SFMBT1: variants seen among roughly 807,000 people sequenced by gnomAD.
SFMBT1 encodes scm-like with four MBT domains protein 1.
Under a neutral mutation model 108.7 loss-of-function variants are expected in SFMBT1, and 32 were observed. That is an observed-to-expected ratio of 0.29 (90% CI 0.22 to 0.40). The LOEUF is 0.40. SFMBT1 is among the 10% of genes least tolerant of loss of function. The pLI, the probability that SFMBT1 is intolerant of heterozygous loss-of-function variation, is 1.00. For synonymous variants in SFMBT1, 348 were observed against 369.5 expected, an observed-to-expected ratio of 0.94 and a Z score of 0.67; for missense variants, 816 against 1,059.6, an observed-to-expected ratio of 0.77 and a Z score of 3.19.
Position 52,905,076 on chromosome 3 carries a change from C to T in SFMBT1, c.*60G>A, listed in dbSNP as rs1443330100. On this transcript the variant is annotated 3_prime_UTR_variant, in exon 21 of 21. Coordinates refer to ENST00000394752, the MANE Select transcript of SFMBT1 (RefSeq NM_016329.4). ...GACTATTCCAGCTCCACTTATAAAG[C>T]AGGGTGAAGGATTTGCTGCATTTGT... 19 of 1,589,220 alleles carry T rather than the reference C, an allele frequency of 1.2e-5. No homozygotes were observed. Among genetic ancestry groups the T allele is most frequent in the Non-Finnish European group, 1.6e-5 (19 of 1,167,356 alleles).
chr3:53,036,253 G>C (rs557831551), intron 1 of SFMBT1, among the ~76,000 whole-genome samples: 1 of 152,310 alleles, frequency 6.6e-6, no homozygotes, highest in East Asian at 1.9e-4. Context: ...CAGCTATCCT[G>C]CCGTGGGACA....
At position 52,926,160 on chromosome 3, in the gene SFMBT1, C is replaced by T. The variant is rs185139787; in HGVS notation, c.1049-47G>A. 19 of 1,547,564 alleles carry T rather than the reference C, an allele frequency of 1.2e-5. 1 individual carries two copies. Among genetic ancestry groups the T allele is most frequent in the South Asian group, 7.0e-5 (6 of 85,624 alleles). On this transcript the variant is annotated intron_variant, in intron 9 of 20. Transcript: ENST00000394752. Reference sequence around the variant, plus strand: ...ATGAGTCACACTACCACACCACATACGCCTGCCTGGCTTCACCCCTCACCA... The same window carrying T: ...ATGAGTCACACTACCACACCACATATGCCTGCCTGGCTTCACCCCTCACCA...
intron 1 of SFMBT1, among the ~76,000 whole-genome samples, chr3:53,000,284 C>T (rs1455099550): frequency 6.9e-6 from 1 of 145,504 alleles, no homozygotes; most frequent in Admixed American, 7.0e-5. Flanking sequence ...TTTGCAATGC[C>T]TTCCTCTTTG....
At chr3:52,964,523 G>T (rs997355462) in intron 2 of SFMBT1, among the ~76,000 whole-genome samples, 1 of 152,124 alleles carries the variant, frequency 6.6e-6, no homozygotes, top group Non-Finnish European at 1.5e-5. Context: ...CTAAAAAATA[G>T]AAAATAATTT....
intron 19 of SFMBT1, among the ~76,000 whole-genome samples, 185 bp from the exon 20 acceptor site, chr3:52,906,426 A>T (rs924891058): frequency 4.6e-5 from 7 of 152,230 alleles, no homozygotes; most frequent in Non-Finnish European, 1.0e-4. Context: ...TGTCTTTTAT[A>T]ATACGAAGTA....
chr3:53,006,896 C>T (rs1163445187), intron 1 of SFMBT1, among the ~76,000 whole-genome samples: 9 of 152,276 alleles, frequency 5.9e-5, no homozygotes, highest in East Asian at 1.9e-4. Context: ...ATTGCTGCTC[C>T]GGGCAGTTCC....
In SFMBT1 at chr3:52,985,945, C is replaced by G. The variant is rs968518655; in HGVS notation, c.-130-16687G>C. ...ATCATTTGAGGTGAAGAGTTTGAGA[C>G]CAGCCTGGCCAACATGGTGAAACCC... On this transcript the variant is annotated intron_variant, in intron 1 of 20. Coordinates refer to ENST00000394752, the MANE Select transcript of SFMBT1 (RefSeq NM_016329.4). 8.5e-5 allele frequency among the ~76,000 whole-genome samples: 13 copies of G among 152,068 alleles called. 1 individual carries two copies. Among genetic ancestry groups the G allele is most frequent in the Admixed American group, 3.3e-4 (5 of 15,268 alleles).
intron 1 of SFMBT1, among the ~76,000 whole-genome samples, chr3:52,991,180 T>C (rs1207008267): frequency 6.6e-6 from 1 of 152,124 alleles, no homozygotes; most frequent in African/African-American, 2.4e-5. Flanking sequence ...TAACACCCAG[T>C]CCAACAGTCC....
intron 1 of SFMBT1, among the ~76,000 whole-genome samples, chr3:52,991,614 G>A (rs1449373847): frequency 6.6e-6 from 1 of 152,138 alleles, no homozygotes; most frequent in African/African-American, 2.4e-5. Flanking sequence ...AAAGTGCTGT[G>A]ATTACAGGCG....
At position 52,934,796 on chromosome 3, in the gene SFMBT1, C is replaced by T; in HGVS notation, c.453+17G>A. On this transcript the variant is annotated intron_variant, in intron 5 of 20. Transcript: ENST00000394752. ...AGATGGGTTTTCCATGCTGATGTGG[C>T]ATGTAGTAATACTCACGCCCTCTAG... is the stretch of plus-strand genomic sequence containing the variant. 8.7e-6 allele frequency: 14 copies of T among 1,600,850 alleles called. No homozygotes were observed. The highest frequency in any genetic ancestry group is 1.2e-5 in the Non-Finnish European group (14 of 1,171,360).
At chr3:53,011,149 T>C (rs1698930561) in intron 1 of SFMBT1, among the ~76,000 whole-genome samples, 1 of 152,182 alleles carries the variant, frequency 6.6e-6, no homozygotes, top group African/African-American at 2.4e-5. Context: ...GAGAGTTAAC[T>C]GTGGGTCAAA....
intron 9 of SFMBT1, among the ~76,000 whole-genome samples, chr3:52,926,794 G>A (rs1375984107): frequency 6.6e-6 from 1 of 152,026 alleles, no homozygotes; most frequent in Non-Finnish European, 1.5e-5. Context: ...AGGCCCAACT[G>A]CCTACTGTGT....
chr3:52,964,011 TTTTG>T (rs763531000), intron 2 of SFMBT1, among the ~76,000 whole-genome samples: 25 of 152,154 alleles, frequency 1.6e-4, no homozygotes, highest in South Asian at 4.1e-4. Context: ...CCTGTTTTAT[TTTTG>T]TTTGTTTGTT....
At chr3:52,973,771 C>G (rs1362936790) in intron 1 of SFMBT1, among the ~76,000 whole-genome samples, 1 of 152,120 alleles carries the variant, frequency 6.6e-6, no homozygotes, top group Non-Finnish European at 1.5e-5. Flanking sequence ...GCTGGGATTA[C>G]AGGCATGAGC....
intron 1 of SFMBT1, among the ~76,000 whole-genome samples, chr3:53,006,485 C>T (rs1335038641): frequency 3.3e-5 from 5 of 151,982 alleles, no homozygotes; most frequent in African/African-American, 9.7e-5. Flanking sequence ...AAAAATCAGC[C>T]GGGCGTGTTG....
intron 1 of SFMBT1, among the ~76,000 whole-genome samples, chr3:53,024,688 G>C (rs1699427758): frequency 6.6e-6 from 1 of 152,202 alleles, no homozygotes; most frequent in East Asian, 1.9e-4. Context: ...ACTACTTAGA[G>C]GGTGCTAAGC....
intron 1 of SFMBT1, among the ~76,000 whole-genome samples, chr3:53,039,320 T>A (rs1306514139): frequency 6.6e-6 from 1 of 152,206 alleles, no homozygotes; most frequent in African/African-American, 2.4e-5. Context: ...ACAACATGGA[T>A]GAACCTTAAA....
At chr3:52,937,381 C>T (rs749877728) in intron 4 of SFMBT1, among the ~76,000 whole-genome samples, 1 of 151,984 alleles carries the variant, frequency 6.6e-6, no homozygotes, top group African/African-American at 2.4e-5. Context: ...CCCATAAGCT[C>T]CATATACAGT....
intron 3 of SFMBT1, among the ~76,000 whole-genome samples, chr3:52,945,559 G>A (rs918449271): frequency 1.3e-5 from 2 of 152,064 alleles, no homozygotes; most frequent in Non-Finnish European, 2.9e-5. Context: ...TGTAATCCCA[G>A]TACTTTGGGA....
Sources: allele counts gnomAD v4.1 joint callset (sites outside exome capture counted in the v4.1 genomes callset), GRCh38; gene constraint gnomAD v4.1.1; transcripts MANE v1.5; gene names NCBI Gene and HGNC (gene_info 2026-07-23, HGNC 2026-07-21).